RNF130: variants seen among roughly 807,000 people sequenced by gnomAD.
RNF130 encodes the protein E3 ubiquitin-protein ligase RNF130.
RNF130 carries 21 observed loss-of-function variants against 44.6 expected under a neutral mutation model. That is an observed-to-expected ratio of 0.47 (90% confidence interval 0.33 to 0.68). The LOEUF (loss-of-function observed/expected upper bound fraction) is 0.68. Ranked by LOEUF, RNF130 falls within the 30% of genes least tolerant of loss-of-function variation. The probability of loss-of-function intolerance (pLI) is 0.02; values close to 1 mark genes in which losing one functional copy is unlikely to be tolerated. For missense variants in RNF130, 479 were observed against 560.6 expected (o/e 0.85, Z 1.47); for synonymous variants, 214 against 210.4 (o/e 1.02, Z -0.15).
Position 180,040,462 on chromosome 5 carries a change from T to C in RNF130, c.433A>G (p.Thr145Ala). 1.9e-6 allele frequency: 3 copies of C among 1,611,744 alleles called. No homozygotes were observed. The highest frequency in any genetic ancestry group is 2.5e-6 in the Non-Finnish European group (3 of 1,178,674). ...NKSKEEPVTM[T>A]HPGTGDIIAV... The stretch of plus-strand genomic sequence containing the variant: ...CCTCATTTTTGTTTACCTGGATGAG[T>C]CATGGTAACTGGCTCCTCTTTGGAT... The change falls in exon 2 of 9, where the codon ACT becomes GCT. Residue 145 changes from threonine (T) to alanine (A), a missense_variant. Physicochemically the swap from Thr to Ala is moderately conservative, Grantham distance 58 (BLOSUM62 0). Coordinates refer to ENST00000521389, the MANE Select transcript of RNF130 (RefSeq NM_018434.6).
In RNF130 at chr5:179,955,382, TTC is replaced by T; in HGVS notation, c.*270_*271del. On this transcript the variant is annotated 3_prime_UTR_variant, in exon 9 of 9. Coordinates refer to ENST00000521389, the MANE Select transcript of RNF130 (RefSeq NM_018434.6). ...TCCTCTCACGGGAGCCAGGAGCACA[TTC>T]TGTCTCTGAAACACAAACAAATGCA... is the stretch of plus-strand genomic sequence containing the variant. The T allele has an allele frequency of 2.6e-6, 1 of 379,080 alleles. No individual in the cohort carries two copies. The highest frequency in any genetic ancestry group is 4.8e-6 in the Non-Finnish European group (1 of 209,474). 23.5% of individuals were successfully genotyped at this position (379,080 alleles called of 1,614,324 possible).
At chr5:180,013,011 CTG>C (rs1382765946) in intron 3 of RNF130, 48 bp downstream of exon 3, 1 of 1,570,112 alleles carries the variant, frequency 6.4e-7, no homozygotes, top group South Asian at 1.2e-5. Context: ...CGACAGATGA[CTG>C]TGAACTCTGG....
exon 8 of RNF130, chr5:179,918,570 AC>A (rs1308937073): frequency 6.6e-6 from 1 of 152,026 alleles, no homozygotes; most frequent in Non-Finnish European, 1.5e-5. Flanking sequence ...CTGCAGACTC[AC>A]CCTCTCTCTG....
chr5:180,070,177 C>A (rs1025933872), intron 1 of RNF130, among the ~76,000 whole-genome samples: 3 of 152,216 alleles, frequency 2.0e-5, no homozygotes, highest in Non-Finnish European at 4.4e-5. Flanking sequence ...GCATCTCAAC[C>A]ACAGTGACTG....
intron 3 of RNF130, among the ~76,000 whole-genome samples, chr5:179,999,003 A>ATATTT (rs781193768): frequency 6.7e-6 from 1 of 149,192 alleles, no homozygotes; most frequent in African/African-American, 2.5e-5. Context: ...TTATTTTTCA[A>ATATTT]TATTTTATTT....
chr5:179,977,633 A>G lies in RNF130; in HGVS notation c.848+570T>C, dbSNP rs951512911. ...TTTGGGAGGCTGAGGCAGGCAGATCACCTGAGGTCAGGAGTTCAAGACCAA... is the reference window on the plus strand; with the variant it reads ...TTTGGGAGGCTGAGGCAGGCAGATCGCCTGAGGTCAGGAGTTCAAGACCAA... On this transcript the variant is annotated intron_variant, in intron 5 of 8. Coordinates refer to ENST00000521389, the MANE Select transcript of RNF130 (RefSeq NM_018434.6). This position sits in a 1 kb window ranked among gnomAD's most constrained non-coding sequence, Gnocchi z 4.1. 3.9e-5 allele frequency among the ~76,000 whole-genome samples: 6 copies of G among 152,126 alleles called. No homozygotes were observed. Among genetic ancestry groups the G allele is most frequent in the African/African-American group, 1.4e-4 (6 of 41,428 alleles).
rs571029806 is a variant in RNF130 at position 179,957,189 on chromosome 5, A to G, written c.1245-1520T>C. Among the ~76,000 whole-genome samples, 397 of 152,286 alleles carry G rather than the reference A, an allele frequency of 2.6e-3. 1 individual carries two copies. The highest frequency in any genetic ancestry group is 9.3e-3 in the African/African-American group (385 of 41,552). ...CACTTTGGGAGGCTGAGGTGGGTGGATCACCTGAGGTCAGGAGTTTGAGAC... is the reference window on the plus strand; with the variant it reads ...CACTTTGGGAGGCTGAGGTGGGTGGGTCACCTGAGGTCAGGAGTTTGAGAC... On this transcript the variant is annotated intron_variant, in intron 8 of 8. Transcript: ENST00000521389.
chr5:179,927,789 A>G (rs1192601307), intron 7 of RNF130, among the ~76,000 whole-genome samples: 1 of 151,402 alleles, frequency 6.6e-6, no homozygotes, highest in East Asian at 1.9e-4. Flanking sequence ...ATAGGCTTTC[A>G]CCATGTTAGC....
intron 8 of RNF130, among the ~76,000 whole-genome samples, chr5:179,961,181 A>G (rs1281508382): frequency 2.0e-5 from 3 of 152,096 alleles, no homozygotes; most frequent in Non-Finnish European, 4.4e-5. Context: ...AAAGTAAGAT[A>G]ATCACCACAT....
intron 2 of RNF130, among the ~76,000 whole-genome samples, chr5:180,016,475 T>C (rs1190024669): frequency 4.6e-5 from 7 of 152,206 alleles, no homozygotes; most frequent in Admixed American, 3.9e-4. Flanking sequence ...ACCACTCCCA[T>C]GTCCCAGGCC....
At position 179,998,862 on chromosome 5, in the gene RNF130, T is replaced by TA. The variant is rs1471961311; in HGVS notation, c.693+14198dup. On this transcript the variant is annotated intron_variant, in intron 3 of 8. Transcript: ENST00000521389. ...CTCTCTTTAGATCTAGTATTTTTTA[T>TA]ATATATATATATATATATATATGTT... Among the ~76,000 whole-genome samples the TA allele has an allele frequency of 1.1e-4, 7 of 65,864 alleles. 1 individual carries two copies. The East Asian group carries it at 0.01, about 95-fold the overall frequency. The allele number at this position is 65,864 out of a possible 152,430, so 43.2% of individuals were successfully genotyped here. A position where few individuals can be genotyped will look rare whatever the true frequency, so the allele number is the denominator to read the frequency against.
intron 7 of RNF130, among the ~76,000 whole-genome samples, chr5:179,924,808 A>T (rs949961022): frequency 3.9e-5 from 6 of 152,118 alleles, no homozygotes; most frequent in Non-Finnish European, 8.8e-5. Context: ...AAATATAAAT[A>T]AAAAATTTAA....
chr5:179,953,166 G>T (rs1314346367), downstream of RNF130, among the ~76,000 whole-genome samples: 1 of 152,164 alleles, frequency 6.6e-6, no homozygotes, highest in Non-Finnish European at 1.5e-5. Context: ...GATCAATGTA[G>T]AAAAATTAAT....
At chr5:179,915,857 C>T in exon 8 of RNF130, 1 of 152,676 alleles carries the variant, frequency 6.5e-6, no homozygotes, top group Non-Finnish European at 1.5e-5. Context: ...TCCACCTGTG[C>T]CCTGGAAGTC....
chr5:180,035,716 G>C (rs919988554), intron 2 of RNF130, among the ~76,000 whole-genome samples: 2 of 152,178 alleles, frequency 1.3e-5, no homozygotes, highest in African/African-American at 4.8e-5. Context: ...TGTCCCACAG[G>C]CATCTGAGGC....
intron 7 of RNF130, among the ~76,000 whole-genome samples, chr5:179,942,822 G>T (rs921255151): frequency 6.6e-6 from 1 of 152,178 alleles, no homozygotes; most frequent in African/African-American, 2.4e-5. Flanking sequence ...GCTGCTATGG[G>T]TGACATATTT....
intron 7 of RNF130, among the ~76,000 whole-genome samples, chr5:179,939,142 G>C (rs980579082): frequency 6.6e-6 from 1 of 152,050 alleles, no homozygotes; most frequent in Non-Finnish European, 1.5e-5. Flanking sequence ...GCTTGAACTC[G>C]GGAGGCAGAG....
At chr5:179,937,952 G>A (rs1761918436) in intron 7 of RNF130, among the ~76,000 whole-genome samples, 2 of 151,074 alleles carry the variant, frequency 1.3e-5, no homozygotes, top group Non-Finnish European at 3.0e-5. Context: ...GAGAGAGAGA[G>A]AGAGAGAGAG....
At chr5:180,071,276 T>C (rs1296638137) in intron 1 of RNF130, among the ~76,000 whole-genome samples, 180 bp downstream of exon 1, 1 of 152,244 alleles carries the variant, frequency 6.6e-6, no homozygotes, top group Non-Finnish European at 1.5e-5. Flanking sequence ...GTCACGCTCC[T>C]GGAGCCTGGT....
Sources: allele counts gnomAD v4.1 joint callset (sites outside exome capture counted in the v4.1 genomes callset), GRCh38; gene constraint gnomAD v4.1.1; non-coding constraint Gnocchi (gnomAD v3.1); transcripts MANE v1.5; gene names NCBI Gene and HGNC (gene_info 2026-07-23, HGNC 2026-07-21).